The following CNTN4 variants were observed in gnomAD, a reference collection of about 807,000 sequenced individuals.
CNTN4 encodes contactin 4, also known as contactin-4.
Under a neutral mutation model 122.5 loss-of-function variants are expected in CNTN4, and 77 were observed. The ratio of observed to expected loss-of-function variants is 0.63; its 90% confidence interval spans 0.52 to 0.76. The LOEUF (loss-of-function observed/expected upper bound fraction) is 0.76, where lower values mean the gene tolerates loss of function less well. Ranked by LOEUF, CNTN4 falls within the 30% of genes least tolerant of loss-of-function variation. The probability of loss-of-function intolerance (pLI) is 0.00; values close to 1 mark genes in which losing one functional copy is unlikely to be tolerated. For missense variants in CNTN4, 1,256 were observed against 1,259.1 expected, an observed-to-expected ratio of 1.00 and a Z score of 0.04; for synonymous variants, 512 against 447.0, an observed-to-expected ratio of 1.15 and a Z score of -1.83.
At chr3:2,300,089 T>C (rs2042450013) in intron 2 of CNTN4, among the ~76,000 whole-genome samples, 1 of 152,180 alleles carries the variant, frequency 6.6e-6, no homozygotes, top group African/African-American at 2.4e-5. Context: ...ACTGACTCTA[T>C]TACTGAATAG....
chr3:2,961,680 A>G (rs1391932), intron 13 of CNTN4, among the ~76,000 whole-genome samples: 11,637 of 151,744 alleles, frequency 0.077, 479 homozygotes, highest in African/African-American at 0.084. Context: ...GTCACACACA[A>G]CAACACTGCT....
At chr3:2,546,984 C>T (rs868327076) in intron 3 of CNTN4, among the ~76,000 whole-genome samples, 7 of 151,958 alleles carry the variant, frequency 4.6e-5, no homozygotes, top group African/African-American at 1.2e-4. Flanking sequence ...AGAGATCCCA[C>T]GTAATATTGA....
chr3:2,210,794 C>T (rs1320081803), intron 2 of CNTN4, among the ~76,000 whole-genome samples: 1 of 152,134 alleles, frequency 6.6e-6, no homozygotes, highest in African/African-American at 2.4e-5. Flanking sequence ...CCATTTCCTT[C>T]AATACATCAA....
At chr3:2,384,624 C>G (rs1432134683) in intron 3 of CNTN4, among the ~76,000 whole-genome samples, 1 of 152,098 alleles carries the variant, frequency 6.6e-6, no homozygotes, top group Admixed American at 6.6e-5. Flanking sequence ...AAATTACTCC[C>G]TTTGTGGAAA....
intron 5 of CNTN4, among the ~76,000 whole-genome samples, chr3:2,737,501 T>A (rs73807912): frequency 6.6e-6 from 1 of 152,236 alleles, no homozygotes; most frequent in Non-Finnish European, 1.5e-5. Context: ...ATATCCTGAT[T>A]GACTTTCTCT....
intron 4 of CNTN4, among the ~76,000 whole-genome samples, chr3:2,729,756 C>CA (rs531733546): frequency 5.2e-4 from 79 of 150,512 alleles, no homozygotes; most frequent in Middle Eastern, 3.4e-3. Flanking sequence ...CTACTAAAAA[C>CA]AAAAAAAATT....
At chr3:2,874,892 A>G (rs2093825825) in intron 8 of CNTN4, among the ~76,000 whole-genome samples, 1 of 152,020 alleles carries the variant, frequency 6.6e-6, no homozygotes. Context: ...TCTGTAAATA[A>G]TTTTTCTATA....
intron 6 of CNTN4, among the ~76,000 whole-genome samples, chr3:2,766,350 C>T (rs1287284676): frequency 2.6e-5 from 4 of 152,146 alleles, no homozygotes; most frequent in Non-Finnish European, 5.9e-5. Context: ...TCCAAATGAC[C>T]ATCAGTTAGT....
intron 3 of CNTN4, among the ~76,000 whole-genome samples, chr3:2,404,150 G>A (rs2046949539): frequency 6.6e-6 from 1 of 152,072 alleles, no homozygotes; most frequent in African/African-American, 2.4e-5. Context: ...TTCTAGTGCT[G>A]CTCTAATGAA....
At chr3:3,042,895 A>G (rs1700296525) in intron 21 of CNTN4, 82 bp from the exon 22 acceptor site, 1 of 1,118,842 alleles carries the variant, frequency 8.9e-7, no homozygotes, top group Non-Finnish European at 1.4e-6. Flanking sequence ...CATCATAAGA[A>G]TCTGCGTACA....
At chr3:3,023,295 C>T (rs559123294) in intron 14 of CNTN4, among the ~76,000 whole-genome samples, 4 of 152,224 alleles carry the variant, frequency 2.6e-5, no homozygotes, top group African/African-American at 7.2e-5. Context: ...TGCTTTAAGG[C>T]TCAGAACATG....
intron 2 of CNTN4, among the ~76,000 whole-genome samples, chr3:2,293,190 T>G (rs2042194473): frequency 6.6e-6 from 1 of 152,198 alleles, no homozygotes; most frequent in Admixed American, 6.5e-5. Flanking sequence ...AATTGTGCAT[T>G]TTTCAAACAT....
chr3:2,186,930 A>G (rs1022104422), intron 2 of CNTN4, among the ~76,000 whole-genome samples: 2 of 152,134 alleles, frequency 1.3e-5, no homozygotes, highest in African/African-American at 4.8e-5. Flanking sequence ...CTTTAGTTTA[A>G]TTAGATCTCA....
chr3:2,433,398 T>C (rs945629243), intron 3 of CNTN4, among the ~76,000 whole-genome samples: 2 of 152,212 alleles, frequency 1.3e-5, no homozygotes, highest in Admixed American at 6.5e-5. Flanking sequence ...ATGATGAGCA[T>C]GTTTGCATAA....
intron 4 of CNTN4, among the ~76,000 whole-genome samples, chr3:2,598,752 G>C (rs949341830): frequency 6.6e-6 from 1 of 152,044 alleles, no homozygotes; most frequent in Non-Finnish European, 1.5e-5. Flanking sequence ...TCAGTTAGTT[G>C]ATGTGTTTAT....
intron 13 of CNTN4, among the ~76,000 whole-genome samples, chr3:2,938,347 G>A (rs1333652602): frequency 6.6e-5 from 10 of 151,402 alleles, no homozygotes; most frequent in Non-Finnish European, 1.5e-4. Flanking sequence ...TTTTTTTTTA[G>A]TCTTTACTAT....
chr3:2,150,731 TCTTG>T (rs1336615191), intron 2 of CNTN4, among the ~76,000 whole-genome samples: 2 of 152,238 alleles, frequency 1.3e-5, no homozygotes, highest in Non-Finnish European at 2.9e-5. Flanking sequence ...AAGCATGTTA[TCTTG>T]GAAGAGCAGG....
chr3:2,172,107 T>G (rs2036543592), intron 2 of CNTN4, among the ~76,000 whole-genome samples: 1 of 152,222 alleles, frequency 6.6e-6, no homozygotes, highest in African/African-American at 2.4e-5. Flanking sequence ...TGTAAGTTGA[T>G]CTTTCTCTTT....
At chr3:2,519,278 A>G (rs1406567097) in intron 3 of CNTN4, among the ~76,000 whole-genome samples, 1 of 152,110 alleles carries the variant, frequency 6.6e-6, no homozygotes, top group Non-Finnish European at 1.5e-5. Context: ...TGACCTTGCC[A>G]TAAGTTATTT....
Sources: gnomAD v4.1 joint callset for allele counts (sites outside exome capture counted in the v4.1 genomes callset) on GRCh38, gnomAD v4.1.1 for gene constraint, MANE v1.5 for transcripts, NCBI Gene and HGNC (gene_info 2026-07-23, HGNC 2026-07-21) for gene names.